The following BBOX1 variants were observed in gnomAD, a reference collection of about 807,000 sequenced individuals.
The protein encoded by BBOX1 is gamma-butyrobetaine hydroxylase 1.
A neutral mutation model predicts 41.6 loss-of-function variants in BBOX1; 35 were observed. That is an observed-to-expected ratio of 0.84 (90% CI 0.64 to 1.11). The LOEUF (loss-of-function observed/expected upper bound fraction) is 1.11. Ranked by LOEUF, BBOX1 falls within the 50% of genes most tolerant of loss-of-function variation. The pLI is 0.00. For missense variants in BBOX1, 458 were observed against 460.6 expected (o/e 0.99, Z 0.05); for synonymous variants, 163 against 154.7 (o/e 1.05, Z -0.40).
At chr11:27,058,918 CT>C (rs1334222151) in intron 4 of BBOX1, among the ~76,000 whole-genome samples, 1 of 152,052 alleles carries the variant, frequency 6.6e-6, no homozygotes, top group Admixed American at 6.5e-5. Flanking sequence ...AAAGAAAAAG[CT>C]TTTTTGGGAG....
At position 27,057,249 on chromosome 11, in the gene BBOX1, T is replaced by G. The variant is rs1857014610; in HGVS notation, c.268T>G (p.Trp90Gly). 6.2e-7 allele frequency: 1 copy of G among 1,612,224 alleles called. No individual in the cohort carries two copies. The highest frequency in any genetic ancestry group is 8.5e-7 in the Non-Finnish European group (1 of 1,179,600). ...GCATTACAGTGAATTCCAGGCTGAT[T>G]GGCTGAAGAAAAGATGCTTTTCCAA... ...DEHYSEFQAD[W>G]LKKRCFSKQA... is the part of the protein sequence containing the mutation. Residue 90 changes from tryptophan to glycine, a missense_variant, in exon 4 of 9, where the codon TGG becomes GGG. By Grantham distance (184) the Trp-to-Gly change is radical (BLOSUM62 -2). Coordinates refer to ENST00000263182, the MANE Select transcript of BBOX1 (RefSeq NM_003986.3).
At chr11:27,104,385 T>C (rs1858784040) in intron 5 of BBOX1, among the ~76,000 whole-genome samples, 1 of 152,186 alleles carries the variant, frequency 6.6e-6, no homozygotes, top group South Asian at 2.1e-4. Context: ...TATCCCCTCC[T>C]ATTTCCTGGT....
intron 4 of BBOX1, among the ~76,000 whole-genome samples, chr11:27,089,633 C>T (rs951519806): frequency 4.0e-5 from 6 of 151,876 alleles, no homozygotes; most frequent in Non-Finnish European, 8.8e-5. Flanking sequence ...GATGGGAAAT[C>T]GAAAAATCAA....
chr11:27,119,936 C>G, intron 7 of BBOX1, 91 bp downstream of exon 7: 1 of 723,582 alleles, frequency 1.4e-6, no homozygotes, highest in Non-Finnish European at 2.0e-6. Context: ...AAAACTTCAA[C>G]GAACTTCAGA....
intron 4 of BBOX1, among the ~76,000 whole-genome samples, chr11:27,076,673 T>G (rs988808590): frequency 6.6e-6 from 1 of 151,948 alleles, no homozygotes; most frequent in Non-Finnish European, 1.5e-5. Flanking sequence ...CCAGAGTGGG[T>G]GGAGGGACAA....
At chr11:27,109,660 A>G (rs561317697) in intron 5 of BBOX1, among the ~76,000 whole-genome samples, 1 of 152,202 alleles carries the variant, frequency 6.6e-6, no homozygotes, top group Admixed American at 6.6e-5. Context: ...CAAGGTTAGA[A>G]AATTGCATTG....
At chr11:27,072,007 GT>G (rs746906210) in intron 4 of BBOX1, among the ~76,000 whole-genome samples, 7 of 152,084 alleles carry the variant, frequency 4.6e-5, no homozygotes, top group Non-Finnish European at 1.0e-4. Flanking sequence ...TTGAAAACTG[GT>G]CACAAGACAA....
In BBOX1 at chr11:27,122,391, CAT is replaced by C. The variant is rs776742507; in HGVS notation, c.836+2547_836+2548del. On this transcript the variant is annotated intron_variant, in intron 7 of 8. Coordinates refer to ENST00000263182, the MANE Select transcript of BBOX1 (RefSeq NM_003986.3). ...AACGAAAACAAAAAATACTGCCACA[CAT>C]GATTGAAGTAGGAATTGCAGAGTTA... is the stretch of plus-strand genomic sequence containing the variant. Among the ~76,000 whole-genome samples, 5 of 152,192 alleles carry C rather than the reference CAT, an allele frequency of 3.3e-5. No individual in the cohort carries two copies. In the South Asian group the frequency reaches 1.0e-3, roughly 32 times the overall value.
intron 5 of BBOX1, among the ~76,000 whole-genome samples, chr11:27,096,980 C>A (rs746781391): frequency 7.9e-5 from 12 of 151,910 alleles, no homozygotes; most frequent in South Asian, 2.1e-4. Flanking sequence ...ATCATCTAGA[C>A]AATATTTTTT....
chr11:27,114,772 T>C (rs1369687957), intron 5 of BBOX1, among the ~76,000 whole-genome samples: 2 of 151,900 alleles, frequency 1.3e-5, no homozygotes, highest in Admixed American at 6.6e-5. Flanking sequence ...TATCTAAATA[T>C]AAGAGTTAAA....
intron 4 of BBOX1, among the ~76,000 whole-genome samples, chr11:27,086,104 C>T (rs1156594985): frequency 6.6e-6 from 1 of 152,054 alleles, no homozygotes; most frequent in Admixed American, 6.6e-5. Flanking sequence ...CATGAAAGTG[C>T]AAGGTGAAGT....
chr11:27,064,916 A>AC (rs1857237428), intron 4 of BBOX1, among the ~76,000 whole-genome samples: 1 of 151,676 alleles, frequency 6.6e-6, no homozygotes, highest in Non-Finnish European at 1.5e-5. Flanking sequence ...GAAAAAAAAA[A>AC]ACAACAAAAA....
At chr11:27,045,076 C>G (rs1432837257) in intron 2 of BBOX1, among the ~76,000 whole-genome samples, 2 of 152,140 alleles carry the variant, frequency 1.3e-5, no homozygotes, top group East Asian at 1.9e-4. Context: ...GAATGTTTTT[C>G]CATTGTTTGT....
intron 4 of BBOX1, among the ~76,000 whole-genome samples, chr11:27,084,154 C>T (rs530798734): frequency 1.3e-5 from 2 of 152,264 alleles, no homozygotes; most frequent in Non-Finnish European, 2.9e-5. Context: ...GCCTGAGCAC[C>T]TCAGTGTCTT....
At chr11:27,099,225 C>G (rs1026734236) in intron 5 of BBOX1, among the ~76,000 whole-genome samples, 1 of 151,858 alleles carries the variant, frequency 6.6e-6, no homozygotes, top group African/African-American at 2.4e-5. Context: ...AGCGAGACAT[C>G]CTTCTTTTCA....
At chr11:27,053,063 T>C (rs1277879452) in intron 2 of BBOX1, among the ~76,000 whole-genome samples, 8 of 152,158 alleles carry the variant, frequency 5.3e-5, no homozygotes, top group African/African-American at 1.9e-4. Flanking sequence ...AGTCAAAAAA[T>C]GTTGTACTAG....
At chr11:27,075,855 C>T (rs550855809) in intron 4 of BBOX1, among the ~76,000 whole-genome samples, 72 of 152,274 alleles carry the variant, frequency 4.7e-4, no homozygotes, top group African/African-American at 1.6e-3. Flanking sequence ...GCTGTGTCTG[C>T]AGTGATTGGC....
At chr11:27,041,860 T>A (rs1851355285) in intron 2 of BBOX1, among the ~76,000 whole-genome samples, 1 of 152,182 alleles carries the variant, frequency 6.6e-6, no homozygotes, top group Non-Finnish European at 1.5e-5. Context: ...CAAGGAGGAT[T>A]CTGGTTGGAT....
At chr11:27,103,212 C>A (rs975491905) in intron 5 of BBOX1, among the ~76,000 whole-genome samples, 1 of 152,036 alleles carries the variant, frequency 6.6e-6, no homozygotes, top group Non-Finnish European at 1.5e-5. Flanking sequence ...ATGTTTTTAC[C>A]TGGATTTTGA....
Sources: allele counts gnomAD v4.1 joint callset (sites outside exome capture counted in the v4.1 genomes callset), GRCh38; gene constraint gnomAD v4.1.1; transcripts MANE v1.5; gene names NCBI Gene and HGNC (gene_info 2026-07-23, HGNC 2026-07-21).